Variants in IL1RAPL1 observed in about 807,000 individuals in gnomAD.
The protein encoded by IL1RAPL1 is interleukin-1 receptor accessory protein-like 1.
In IL1RAPL1, 3 loss-of-function variants were observed where a neutral mutation model predicts 48.4. The ratio of observed to expected loss-of-function variants is 0.06; its 90% CI spans 0.03 to 0.16. IL1RAPL1 has a LOEUF of 0.16. Ranked by LOEUF, IL1RAPL1 falls within the 10% of genes least tolerant of loss-of-function variation. The probability of loss-of-function intolerance (pLI) is 1.00; values close to 1 mark genes in which losing one functional copy is unlikely to be tolerated. For missense variants in IL1RAPL1, 349 were observed against 530.6 expected (o/e 0.66, Z 3.36); for synonymous variants, 185 against 187.7 (o/e 0.99, Z 0.12).
intron 2 of IL1RAPL1, among the ~76,000 whole-genome samples, chrX:28,945,866 G>A (rs1924285261): frequency 9.8e-6 from 1 of 101,562 alleles, no homozygotes; most frequent in Admixed American, 1.1e-4. Flanking sequence ...TACTAATTAT[G>A]GTTTACTGTT....
intron 2 of IL1RAPL1, among the ~76,000 whole-genome samples, chrX:29,015,765 T>G (rs1926227852): frequency 9.0e-6 from 1 of 111,324 alleles, no homozygotes; most frequent in Non-Finnish European, 1.9e-5. Flanking sequence ...ATTTCTCTAT[T>G]GTACTCAGAA....
intron 6 of IL1RAPL1, among the ~76,000 whole-genome samples, chrX:29,809,398 C>T (rs764146230): frequency 5.4e-5 from 6 of 110,249 alleles, no homozygotes; most frequent in African/African-American, 9.9e-5. Context: ...CCACCGTGCC[C>T]GGCCGAGTTT....
chrX:29,724,469 T>G (rs958649627), intron 6 of IL1RAPL1, among the ~76,000 whole-genome samples: 1 of 112,323 alleles, frequency 8.9e-6, no homozygotes, highest in African/African-American at 3.2e-5. Flanking sequence ...ACATTGACAA[T>G]TACAAAGCTA....
chrX:29,021,441 G>A (rs2147402214), intron 2 of IL1RAPL1, among the ~76,000 whole-genome samples: 1 of 110,824 alleles, frequency 9.0e-6, no homozygotes, highest in Admixed American at 9.7e-5. Flanking sequence ...TAATTCTACA[G>A]CTGTCTATCT....
chrX:29,904,367 ATTT>A (rs1349377138), intron 6 of IL1RAPL1, among the ~76,000 whole-genome samples: 3 of 83,607 alleles, frequency 3.6e-5, no homozygotes, highest in Non-Finnish European at 7.7e-5. Context: ...TCTTTTTTTA[ATTT>A]TAATTTTTTA....
At chrX:29,173,233 A>G (rs750278016) in intron 2 of IL1RAPL1, among the ~76,000 whole-genome samples, 21 of 112,018 alleles carry the variant, frequency 1.9e-4, no homozygotes, top group African/African-American at 6.8e-4. Context: ...GTACAAAATC[A>G]GTATTATTTT....
At chrX:29,692,377 C>T (rs1300398382) in intron 6 of IL1RAPL1, among the ~76,000 whole-genome samples, 2 of 111,661 alleles carry the variant, frequency 1.8e-5, no homozygotes, top group African/African-American at 3.3e-5. Flanking sequence ...ATTTTGGCTC[C>T]CGTGCTATCT....
intron 5 of IL1RAPL1, among the ~76,000 whole-genome samples, chrX:29,587,052 C>T: frequency 9.0e-6 from 1 of 110,648 alleles, no homozygotes; most frequent in Admixed American, 9.7e-5. Context: ...GACTTTAAAA[C>T]CATATAATTT....
intron 6 of IL1RAPL1, among the ~76,000 whole-genome samples, chrX:29,892,370 C>A (rs188791607): frequency 1.8e-5 from 2 of 111,974 alleles, no homozygotes; most frequent in African/African-American, 6.5e-5. Flanking sequence ...TGAAAATTTT[C>A]CATCATCACT....
intron 2 of IL1RAPL1, among the ~76,000 whole-genome samples, chrX:28,985,583 T>G (rs781347454): frequency 8.9e-6 from 1 of 112,592 alleles, no homozygotes; most frequent in Non-Finnish European, 1.9e-5. Context: ...AGACTTCAGC[T>G]TATTCCGTGT....
intron 5 of IL1RAPL1, among the ~76,000 whole-genome samples, chrX:29,577,387 C>T (rs1922811525): frequency 9.0e-6 from 1 of 111,612 alleles, no homozygotes; most frequent in Admixed American, 9.5e-5. Context: ...TAATTCCACT[C>T]CTCATCCTCA....
intron 5 of IL1RAPL1, among the ~76,000 whole-genome samples, chrX:29,491,550 C>T (rs1405770273): frequency 8.9e-6 from 1 of 112,221 alleles, no homozygotes; most frequent in Non-Finnish European, 1.9e-5. Flanking sequence ...ATACAGTGCT[C>T]ATTTGCCTAC....
At chrX:29,925,089 A>C (rs1932875254) in intron 8 of IL1RAPL1, among the ~76,000 whole-genome samples, 2 of 111,334 alleles carry the variant, frequency 1.8e-5, no homozygotes, top group Non-Finnish European at 3.8e-5. Context: ...AAAACGGTGC[A>C]AACTTCTTTT....
At chrX:29,006,289 C>T (rs1365252708) in intron 2 of IL1RAPL1, among the ~76,000 whole-genome samples, 3 of 110,270 alleles carry the variant, frequency 2.7e-5, no homozygotes, top group Admixed American at 1.9e-4. Context: ...CTGAGGCGGG[C>T]GATCACCTGA....
chrX:29,496,357 G>A (rs896045554), intron 5 of IL1RAPL1, among the ~76,000 whole-genome samples: 3 of 110,588 alleles, frequency 2.7e-5, no homozygotes, highest in Non-Finnish European at 3.8e-5. Flanking sequence ...TGTTTGGATC[G>A]TGGAGACAGA....
At chrX:28,863,808 T>A (rs935946085) in intron 2 of IL1RAPL1, among the ~76,000 whole-genome samples, 6 of 111,840 alleles carry the variant, frequency 5.4e-5, no homozygotes, top group African/African-American at 1.9e-4. Flanking sequence ...TAGATATGAA[T>A]AGATTCAATA....
rs371316802 is a variant in IL1RAPL1, at chrX:28,693,570, C to T, written c.-24-95750C>T. Among the ~76,000 whole-genome samples the T allele has an allele frequency of 1.5e-4, 17 of 112,332 alleles. No homozygotes were observed. The East Asian group carries it at 4.8e-3, about 31-fold the overall frequency. ...TTTTCTGTCACAATTTGACGAGCCC[C>T]TGCTTTAGAATAGCAATACAACACA... On this transcript the variant is annotated intron_variant, in intron 1 of 10. Transcript: ENST00000378993.
chrX:29,877,589 A>G (rs779298711), intron 6 of IL1RAPL1, among the ~76,000 whole-genome samples: 2 of 112,090 alleles, frequency 1.8e-5, no homozygotes, highest in Non-Finnish European at 3.8e-5. Context: ...TAATCAGTAT[A>G]TAATCACTAA....
At chrX:29,359,155 C>T (rs893065474) in intron 3 of IL1RAPL1, among the ~76,000 whole-genome samples, 16 of 111,565 alleles carry the variant, frequency 1.4e-4, no homozygotes, top group Admixed American at 3.8e-4. Context: ...TATGTTCATT[C>T]AGATTTTTTC....
Sources: allele counts gnomAD v4.1 joint callset (sites outside exome capture counted in the v4.1 genomes callset), GRCh38; gene constraint gnomAD v4.1.1; transcripts MANE v1.5; gene names NCBI Gene and HGNC (gene_info 2026-07-23, HGNC 2026-07-21).